Variants in NAALADL2 observed in about 807,000 individuals in gnomAD.
NAALADL2 encodes N-acetylated alpha-linked acidic dipeptidase like 2.
In NAALADL2, 76 loss-of-function variants were observed where a neutral mutation model predicts 87.2. That is an observed-to-expected ratio of 0.87 (90% CI 0.72 to 1.05). The LOEUF (loss-of-function observed/expected upper bound fraction) is 1.05, where lower values mean the gene tolerates loss of function less well. NAALADL2 is among the 50% of genes least tolerant of loss of function. The pLI, the probability that NAALADL2 is intolerant of heterozygous loss-of-function variation, is 0.00. For missense variants in NAALADL2, 1,089 were observed against 945.8 expected (o/e 1.15, Z -1.99); for synonymous variants, 354 against 331.0 (o/e 1.07, Z -0.75).
intron 9 of NAALADL2, among the ~76,000 whole-genome samples, chr3:175,543,313 G>T (rs1453930310): frequency 6.6e-6 from 1 of 152,060 alleles, no homozygotes; most frequent in African/African-American, 2.4e-5. Flanking sequence ...TAGACCTGCT[G>T]CAGTAAAAAA....
chr3:175,335,654 G>T (rs62287017), intron 5 of NAALADL2, among the ~76,000 whole-genome samples: 40,471 of 152,024 alleles, frequency 0.27, 5,607 homozygotes, highest in East Asian at 0.54. Flanking sequence ...AAGTGTTATT[G>T]CATTTACTTC....
At chr3:175,543,338 A>T (rs531468278) in intron 9 of NAALADL2, among the ~76,000 whole-genome samples, 1 of 152,138 alleles carries the variant, frequency 6.6e-6, no homozygotes, top group Non-Finnish European at 1.5e-5. Flanking sequence ...CACCATATTG[A>T]TATTATTAGT....
intron 11 of NAALADL2, chr3:175,718,106 T>C (rs1018865846): frequency 8.9e-6 from 7 of 784,376 alleles, no homozygotes; most frequent in African/African-American, 1.7e-5. Flanking sequence ...TCCAGTACTT[T>C]GAGGTCTACA....
chr3:174,775,260 C>CAAA (rs1715067685), intron 3 of NAALADL2, among the ~76,000 whole-genome samples: 1 of 100,962 alleles, frequency 9.9e-6, no homozygotes, highest in Admixed American at 9.7e-5. Flanking sequence ...CTCACCTCCC[C>CAAA]TAAAAAAAAT....
chr3:175,603,176 GTTTA>G (rs891306621), intron 10 of NAALADL2, among the ~76,000 whole-genome samples: 5 of 152,048 alleles, frequency 3.3e-5, no homozygotes, highest in African/African-American at 1.2e-4. Flanking sequence ...CCTTTATAGC[GTTTA>G]TTTATCTACA....
At chr3:174,860,600 A>G (rs1019545642) in intron 1 of NAALADL2, among the ~76,000 whole-genome samples, 3 of 152,092 alleles carry the variant, frequency 2.0e-5, no homozygotes, top group African/African-American at 7.2e-5. Flanking sequence ...AATTGTGCAT[A>G]TGATAATGAT....
At chr3:174,925,295 C>A (rs1170535588) in intron 1 of NAALADL2, among the ~76,000 whole-genome samples, 3 of 152,138 alleles carry the variant, frequency 2.0e-5, no homozygotes, top group African/African-American at 2.4e-5. Context: ...ATATGGCTAG[C>A]CAGTTTTCCC....
intron 3 of NAALADL2, among the ~76,000 whole-genome samples, chr3:174,752,935 G>C (rs1262551146): frequency 6.6e-6 from 1 of 152,070 alleles, no homozygotes; most frequent in Non-Finnish European, 1.5e-5. Flanking sequence ...ATGATGGAAG[G>C]CCTATACACA....
intron 1 of NAALADL2, among the ~76,000 whole-genome samples, chr3:175,025,689 G>A (rs1752137744): frequency 6.6e-6 from 1 of 152,018 alleles, no homozygotes; most frequent in African/African-American, 2.4e-5. Context: ...TAAAACCCTA[G>A]AAGTATTTTA....
intron 6 of NAALADL2, among the ~76,000 whole-genome samples, chr3:175,462,656 T>G (rs1180188052): frequency 2.0e-5 from 3 of 152,194 alleles, no homozygotes; most frequent in Non-Finnish European, 4.4e-5. Flanking sequence ...CAACCCAGAC[T>G]TCTCAGGATC....
intron 5 of NAALADL2, among the ~76,000 whole-genome samples, chr3:175,359,301 T>C (rs1474735601): frequency 6.6e-6 from 1 of 152,110 alleles, no homozygotes; most frequent in Admixed American, 6.6e-5. Context: ...CATTACACTT[T>C]TTTTGCAAAG....
At chr3:174,627,149 T>A (rs1339936258) in intron 2 of NAALADL2, among the ~76,000 whole-genome samples, 6 of 152,128 alleles carry the variant, frequency 3.9e-5, no homozygotes, top group Admixed American at 2.6e-4. Flanking sequence ...ATATCTGTAG[T>A]ATAATAGTAT....
Position 175,422,641 on chromosome 3 carries a change from G to A in NAALADL2, c.1091-24588G>A, listed in dbSNP as rs374786615. Among the ~76,000 whole-genome samples the A allele has an allele frequency of 3.0e-4, 45 of 149,670 alleles. No individual in the cohort carries two copies. In the East Asian group the frequency reaches 8.0e-3, roughly 27 times the overall value. On this transcript the variant is annotated intron_variant, in intron 5 of 13. Transcript: ENST00000454872. The stretch of plus-strand genomic sequence containing the variant: ...AAACCAGAACGTGATGTGCATCACA[G>A]GCAATCTGCTAAAGAGACTGCAGAG...
At position 174,665,388 on chromosome 3, in the gene NAALADL2, C is replaced by T. The variant is rs75440162; in HGVS notation, c.-114-72253C>T. Among the ~76,000 whole-genome samples the T allele has an allele frequency of 2.1e-3, 319 of 152,268 alleles. 3 individuals are homozygous for T. Among genetic ancestry groups the T allele is most frequent in the African/African-American group, 6.5e-3 (270 of 41,560 alleles). ...TTTAGGAAAGACTGTTTGGTGCTATCGAGTGTGCTGCATGCAACCTCAGCT... is the reference window on the plus strand; with the variant it reads ...TTTAGGAAAGACTGTTTGGTGCTATTGAGTGTGCTGCATGCAACCTCAGCT... On this transcript the variant is annotated intron_variant, in intron 2 of 3. Coordinates refer to the NAALADL2 transcript ENST00000434257.
At chr3:175,078,429 A>G (rs1256743521) in intron 1 of NAALADL2, among the ~76,000 whole-genome samples, 1 of 152,226 alleles carries the variant, frequency 6.6e-6, no homozygotes, top group Non-Finnish European at 1.5e-5. Flanking sequence ...ATTTAGATAT[A>G]AATTAAAAAC....
At chr3:175,626,020 G>C (rs1359195180) in intron 10 of NAALADL2, among the ~76,000 whole-genome samples, 2 of 151,882 alleles carry the variant, frequency 1.3e-5, no homozygotes, top group Admixed American at 6.6e-5. Context: ...CATGCAAAAG[G>C]GTTCATTTTG....
chr3:175,000,494 C>T (rs1371994842), intron 1 of NAALADL2, among the ~76,000 whole-genome samples: 1 of 152,242 alleles, frequency 6.6e-6, no homozygotes, highest in East Asian at 1.9e-4. Context: ...AAAGAATTAA[C>T]GTGGTGAAGC....
intron 4 of NAALADL2, among the ~76,000 whole-genome samples, chr3:175,277,811 T>C (rs942858303): frequency 6.6e-6 from 1 of 152,176 alleles, no homozygotes; most frequent in African/African-American, 2.4e-5. Flanking sequence ...AGGACATTTA[T>C]CATTCTAGTT....
At chr3:175,340,111 G>A (rs984178860) in intron 5 of NAALADL2, among the ~76,000 whole-genome samples, 2 of 152,042 alleles carry the variant, frequency 1.3e-5, no homozygotes, top group Non-Finnish European at 2.9e-5. Context: ...AACAGGATAG[G>A]AACCATTTTG....
Sources: allele counts gnomAD v4.1 joint callset (sites outside exome capture counted in the v4.1 genomes callset), GRCh38; gene constraint gnomAD v4.1.1; transcripts MANE v1.5; gene names NCBI Gene and HGNC (gene_info 2026-07-23, HGNC 2026-07-21).